Variants in LYRM4 observed in about 807,000 individuals in gnomAD.
The protein encoded by LYRM4 is LYR motif containing 4.
In LYRM4, 9 loss-of-function variants were observed where a neutral mutation model predicts 11.7. That is an observed-to-expected ratio of 0.77 (90% CI 0.46 to 1.34). The LOEUF (loss-of-function observed/expected upper bound fraction) is 1.34. Among genes scored for constraint, LYRM4 ranks in the 40% most tolerant of loss-of-function variants. LYRM4 has a pLI of 0.00. For synonymous variants in LYRM4, 42 were observed against 40.4 expected (o/e 1.04, Z -0.15); for missense variants, 133 against 112.5 (o/e 1.18, Z -0.82).
At chr6:5,127,375 G>C (rs1408522273) in intron 2 of LYRM4, among the ~76,000 whole-genome samples, 1 of 152,142 alleles carries the variant, frequency 6.6e-6, no homozygotes, top group African/African-American at 2.4e-5. Context: ...ATAAGCCACC[G>C]TGCCCGGCTG....
In LYRM4 at chr6:5,260,692, C is replaced by A. The variant is rs1210002520; in HGVS notation, c.42G>T (p.Arg14=). Residue 14 remains arginine (R), a synonymous_variant, in exon 1 of 3, where the codon CGG becomes CGT. Coordinates refer to ENST00000330636, the MANE Select transcript of LYRM4 (RefSeq NM_020408.6). The part of the protein sequence containing the change: ...SSRAQVLSLY[R]AMLRESKRFS... ...AACGCTTGCTCTCTCTCAGCATCGC[C>A]CGGTACAGAGATAACACTTGTGCGC... 1.3e-6 allele frequency: 2 copies of A among 1,555,158 alleles called. No homozygotes were observed. The highest frequency in any genetic ancestry group is 2.4e-5 in the East Asian group (1 of 42,132).
intron 2 of LYRM4, among the ~76,000 whole-genome samples, chr6:5,199,362 G>T (rs1355751610): frequency 6.6e-6 from 1 of 152,226 alleles, no homozygotes; most frequent in Non-Finnish European, 1.5e-5. Context: ...GGCTAGGGAA[G>T]AGTGGGTTGG....
the LYRM4 span, among the ~76,000 whole-genome samples, chr6:5,082,601 C>T: frequency 6.6e-6 from 1 of 152,210 alleles, no homozygotes; most frequent in African/African-American, 2.4e-5. Context: ...GTATGATCAC[C>T]CTTCACCACA....
chr6:5,039,115 C>G, the LYRM4 span, among the ~76,000 whole-genome samples: 1 of 151,504 alleles, frequency 6.6e-6, no homozygotes, highest in Non-Finnish European at 1.5e-5. Context: ...TATTTATTTT[C>G]ATTTTTTTTT....
At chr6:5,080,229 TC>T in the LYRM4 span, among the ~76,000 whole-genome samples, 6 of 152,220 alleles carry the variant, frequency 3.9e-5, no homozygotes, top group African/African-American at 7.2e-5. Context: ...GTCCCAGATA[TC>T]TGAGTCCAAA....
intron 2 of LYRM4, among the ~76,000 whole-genome samples, chr6:5,156,696 G>A (rs1355970907): frequency 2.6e-5 from 4 of 151,824 alleles, no homozygotes; most frequent in African/African-American, 7.3e-5. Flanking sequence ...ACCGAATCCA[G>A]ATCTCCTATA....
chr6:5,118,835 T>A (rs1339521716), intron 2 of LYRM4, among the ~76,000 whole-genome samples: 1 of 152,206 alleles, frequency 6.6e-6, no homozygotes, highest in African/African-American at 2.4e-5. Flanking sequence ...GGTATTCCTC[T>A]AAAAATAGCC....
chr6:5,053,028 T>C, the LYRM4 span, among the ~76,000 whole-genome samples: 1 of 152,224 alleles, frequency 6.6e-6, no homozygotes, highest in African/African-American at 2.4e-5. Context: ...ATATTATGAT[T>C]ATGTATAATA....
chr6:5,176,066 AAT>A (rs1759700558), intron 2 of LYRM4, among the ~76,000 whole-genome samples: 1 of 147,248 alleles, frequency 6.8e-6, no homozygotes, highest in Non-Finnish European at 1.5e-5. Flanking sequence ...TTACGCTATT[AAT>A]TTTTTTTTTT....
rs1030445011 is a variant in LYRM4 at position 5,260,923 on chromosome 6, G to T, written c.-190C>A. The T allele has an allele frequency of 7.3e-7, 1 of 1,361,770 alleles. No individual in the cohort carries two copies. Among genetic ancestry groups the T allele is most frequent in the Non-Finnish European group, 9.4e-7 (1 of 1,062,530 alleles). The allele number at this position is 1,361,770 out of a possible 1,614,324, so 84.4% of individuals were successfully genotyped here. On this transcript the variant is annotated 5_prime_UTR_variant, in exon 1 of 3. Coordinates refer to ENST00000330636, the MANE Select transcript of LYRM4 (RefSeq NM_020408.6). ...CGGACGGCGCCAGGCGTCCCGCGCCGCTTCGGGGGCGGGCGCAGGCAGGGC... is the reference window on the plus strand; with the variant it reads ...CGGACGGCGCCAGGCGTCCCGCGCCTCTTCGGGGGCGGGCGCAGGCAGGGC...
the LYRM4 span, among the ~76,000 whole-genome samples, chr6:5,096,757 A>T: frequency 6.6e-6 from 1 of 152,214 alleles, no homozygotes; most frequent in African/African-American, 2.4e-5. Flanking sequence ...GAGGGAAGTT[A>T]GTTGTGAAGT....
intron 1 of LYRM4, among the ~76,000 whole-genome samples, chr6:5,253,255 A>G (rs1197213142): frequency 6.6e-6 from 1 of 152,216 alleles, no homozygotes; most frequent in Non-Finnish European, 1.5e-5. Context: ...TTCTTAAGCT[A>G]TAAGAGGGAT....
the LYRM4 span, chr6:5,066,378 CT>C: frequency 2.7e-6 from 2 of 729,652 alleles, no homozygotes; most frequent in Admixed American, 3.9e-5. Flanking sequence ...CAAAGTGGCC[CT>C]TTTTTCACCT....
downstream of LYRM4, among the ~76,000 whole-genome samples, chr6:5,101,968 C>CTTTTTTTTT (rs397826404): frequency 0.01 from 702 of 67,908 alleles, 87 homozygotes; most frequent in African/African-American, 0.025. Flanking sequence ...CTAATGCTTT[C>CTTTTTTTTT]TTTTTTTTTT....
chr6:5,201,611 A>C (rs943906875), intron 2 of LYRM4, among the ~76,000 whole-genome samples: 1 of 152,072 alleles, frequency 6.6e-6, no homozygotes, highest in Non-Finnish European at 1.5e-5. Flanking sequence ...ACCTGCTGGC[A>C]GTGACCCCCT....
Position 5,242,367 on chromosome 6 carries a change from C to T in LYRM4, c.86+18281G>A, listed in dbSNP as rs922353125. Among the ~76,000 whole-genome samples, 11 of 139,300 alleles carry T rather than the reference C, an allele frequency of 7.9e-5. No individual in the cohort carries two copies. In the South Asian group the frequency reaches 1.3e-3, roughly 16 times the overall value. 91.4% of individuals were successfully genotyped at this position (139,300 alleles called of 152,430 possible). On this transcript the variant is annotated intron_variant, in intron 1 of 2. Coordinates refer to ENST00000330636, the MANE Select transcript of LYRM4 (RefSeq NM_020408.6). ...GATTACAGGCGTGAGCCACTGCGCCCGGCCACTTATACTTTTAAATTAAGA... is the reference window on the plus strand; with the variant it reads ...GATTACAGGCGTGAGCCACTGCGCCTGGCCACTTATACTTTTAAATTAAGA...
At chr6:5,132,424 A>C (rs1763998918) in intron 2 of LYRM4, among the ~76,000 whole-genome samples, 2 of 152,134 alleles carry the variant, frequency 1.3e-5, no homozygotes, top group Non-Finnish European at 1.5e-5. Flanking sequence ...AAAAACAAAA[A>C]CAAAAACAGA....
At chr6:5,174,191 TA>T (rs527940726) in intron 2 of LYRM4, among the ~76,000 whole-genome samples, 1 of 151,980 alleles carries the variant, frequency 6.6e-6, no homozygotes, top group South Asian at 2.1e-4. Context: ...AAAGAAAAAA[TA>T]AAGAGTCTTT....
intron 2 of LYRM4, among the ~76,000 whole-genome samples, chr6:5,115,645 C>T (rs1763085225): frequency 6.6e-6 from 1 of 152,058 alleles, no homozygotes; most frequent in African/African-American, 2.4e-5. Flanking sequence ...CACAGGAAAC[C>T]CACAGAATAA....
Sources: allele counts gnomAD v4.1 joint callset (sites outside exome capture counted in the v4.1 genomes callset), GRCh38; gene constraint gnomAD v4.1.1; transcripts MANE v1.5; gene names NCBI Gene and HGNC (gene_info 2026-07-23, HGNC 2026-07-21).